The following CHLSN variants were observed in gnomAD, a reference collection of about 807,000 sequenced individuals.
CHLSN encodes protein cholesin.
the CHLSN span, among the ~76,000 whole-genome samples, chr7:1,076,898 C>T: frequency 4.6e-5 from 7 of 152,246 alleles, no homozygotes; most frequent in African/African-American, 1.7e-4. Context: ...CTGGCACAGG[C>T]TTACGGGGTG....
the CHLSN span, chr7:989,171 C>A: frequency 3.2e-6 from 1 of 311,104 alleles, no homozygotes; most frequent in Non-Finnish European, 6.0e-6. Flanking sequence ...TGCAGGGAGA[C>A]AACGGGTGGC....
the CHLSN span, among the ~76,000 whole-genome samples, chr7:1,075,523 C>CA: frequency 1.2e-3 from 170 of 137,410 alleles, no homozygotes; most frequent in African/African-American, 3.5e-3. Flanking sequence ...GATTCTGTCT[C>CA]AAAAAAAAAA....
At chr7:1,035,559 CGTGAGGGAGCGCCCATGAAAATAGCA>C in the CHLSN span, among the ~76,000 whole-genome samples, 3 of 152,202 alleles carry the variant, frequency 2.0e-5, no homozygotes, top group Admixed American at 1.3e-4. Context: ...CATCCTTTGA[CGTGAGGGAGCGCCCATGAAAATAGCA>C]GTGAGGCACC....
chr7:1,055,425 CT>C, the CHLSN span: 1 of 467,860 alleles, frequency 2.1e-6, no homozygotes, highest in Admixed American at 2.3e-5. Context: ...TCCCGCCATG[CT>C]GCTCACCGAC....
chr7:1,009,876 G>T, the CHLSN span: 1 of 1,303,358 alleles, frequency 7.7e-7, no homozygotes, highest in Non-Finnish European at 1.0e-6. Context: ...GTGTGCGAGT[G>T]AAGGCTTCGA....
the CHLSN span, chr7:1,055,466 T>C: frequency 2.2e-6 from 1 of 460,628 alleles, no homozygotes; most frequent in South Asian, 1.6e-5. Context: ...ACCAAGAGGC[T>C]TGGGCCACAA....
At chr7:1,010,352 G>A in the CHLSN span, among the ~76,000 whole-genome samples, 16 of 152,318 alleles carry the variant, frequency 1.1e-4, no homozygotes, top group Non-Finnish European at 1.6e-4. Context: ...CCAGTCCTGC[G>A]GGCAGGCGCC....
the CHLSN span, among the ~76,000 whole-genome samples, chr7:1,016,780 GCACAGCACACAGCAGCA>G: frequency 3.6e-5 from 2 of 55,048 alleles, no homozygotes; most frequent in African/African-American, 1.1e-4. Flanking sequence ...GCACAGCAGC[GCACAGCACACAGCAGCA>G]CACAGCAGCA....
the CHLSN span, among the ~76,000 whole-genome samples, chr7:1,089,881 G>T: frequency 6.6e-6 from 1 of 151,748 alleles, no homozygotes; most frequent in Admixed American, 6.6e-5. Flanking sequence ...TCAGAAGTTC[G>T]ATACAAGCCT....
the CHLSN span, among the ~76,000 whole-genome samples, chr7:1,002,994 T>C: frequency 0.021 from 514 of 24,856 alleles, 41 homozygotes; most frequent in African/African-American, 0.07. Context: ...TGGAGTCCTG[T>C]GGGTGGGGAG....
the CHLSN span, chr7:997,887 G>GGACACCC: frequency 7.6e-7 from 1 of 1,317,850 alleles, no homozygotes; most frequent in South Asian, 1.3e-5. Context: ...CTGCAGCCAA[G>GGACACCC]GACACCCGGG....
the CHLSN span, among the ~76,000 whole-genome samples, chr7:1,064,268 A>G: frequency 1.3e-5 from 2 of 152,188 alleles, no homozygotes; most frequent in African/African-American, 4.8e-5. Context: ...TGTGACGTGA[A>G]GATGGGGAGA....
chr7:1,092,930 G>T, the CHLSN span: 1 of 1,368,952 alleles, frequency 7.3e-7, no homozygotes, highest in African/African-American at 1.4e-5. Context: ...ACAAGGCACG[G>T]CCACGTCATG....
At chr7:1,035,544 C>T in the CHLSN span, among the ~76,000 whole-genome samples, 5 of 152,292 alleles carry the variant, frequency 3.3e-5, no homozygotes, top group South Asian at 1.0e-3. Flanking sequence ...GGGCCAGACG[C>T]GCGACATCCT....
chr7:1,010,934 T>A, the CHLSN span, among the ~76,000 whole-genome samples: 1 of 151,796 alleles, frequency 6.6e-6, no homozygotes, highest in Non-Finnish European at 1.5e-5. Context: ...GGCGTGGGAA[T>A]CAACCAGGCA....
the CHLSN span, chr7:1,010,141 G>C: frequency 6.2e-7 from 1 of 1,608,352 alleles, no homozygotes; most frequent in South Asian, 1.1e-5. Context: ...GCACAGCTTC[G>C]CCCTGAAAGT....
At chr7:1,023,332 G>C in the CHLSN span, among the ~76,000 whole-genome samples, 2 of 152,212 alleles carry the variant, frequency 1.3e-5, no homozygotes, top group African/African-American at 4.8e-5. This position sits in a 1 kb window ranked among gnomAD's most constrained non-coding sequence, Gnocchi z 5.0. Flanking sequence ...GGAAGCTCGT[G>C]TCAGCTGGAG....
chr7:1,012,957 C>T, the CHLSN span, among the ~76,000 whole-genome samples: 1 of 152,220 alleles, frequency 6.6e-6, no homozygotes. Context: ...ATGACACAGG[C>T]GGGCCCCGGG....
the CHLSN span, among the ~76,000 whole-genome samples, chr7:1,015,686 G>C: frequency 6.6e-6 from 1 of 152,216 alleles, no homozygotes; most frequent in Non-Finnish European, 1.5e-5. Context: ...GCGGGGCCAG[G>C]ACTAACCCAG....
Sources: allele counts gnomAD v4.1 joint callset (sites outside exome capture counted in the v4.1 genomes callset), GRCh38; gene constraint gnomAD v4.1.1; non-coding constraint Gnocchi (gnomAD v3.1); transcripts MANE v1.5; gene names NCBI Gene and HGNC (gene_info 2026-07-23, HGNC 2026-07-21).